WWC2: variants seen among roughly 807,000 people sequenced by gnomAD.
WWC2 encodes WW and C2 domain containing 2, also known as protein WWC2.
A neutral mutation model predicts 138.5 loss-of-function variants in WWC2; 101 were observed. The ratio of observed to expected loss-of-function variants is 0.73; its 90% CI spans 0.62 to 0.86. The LOEUF is 0.86. Ranked by LOEUF, WWC2 falls within the 40% of genes least tolerant of loss-of-function variation. WWC2 has a pLI of 0.00. For missense variants in WWC2, 1,420 were observed against 1,419.4 expected (o/e 1.00, Z -0.01); for synonymous variants, 558 against 538.4 (o/e 1.04, Z -0.50).
At chr4:183,167,535 A>G (rs1734160216) in intron 1 of WWC2, among the ~76,000 whole-genome samples, 3 of 152,124 alleles carry the variant, frequency 2.0e-5, no homozygotes, top group Admixed American at 6.5e-5. Flanking sequence ...GTCCCCTCCA[A>G]TTAACATCTT....
At chr4:183,290,344 G>A (rs746301378) in intron 21 of WWC2, among the ~76,000 whole-genome samples, 25 of 151,888 alleles carry the variant, frequency 1.6e-4, no homozygotes, top group Non-Finnish European at 3.5e-4. Context: ...CTGAAACCTC[G>A]TCTTTACTAA....
At chr4:183,188,776 C>T (rs928662516) in intron 1 of WWC2, among the ~76,000 whole-genome samples, 1 of 151,650 alleles carries the variant, frequency 6.6e-6, no homozygotes, top group Admixed American at 6.6e-5. Flanking sequence ...TCCTGAGTAG[C>T]TGGGATTATA....
At chr4:183,199,666 A>G (rs1309084182) in intron 2 of WWC2, among the ~76,000 whole-genome samples, 1 of 152,230 alleles carries the variant, frequency 6.6e-6, no homozygotes, top group Non-Finnish European at 1.5e-5. Flanking sequence ...CACAGTAGGA[A>G]GAACAGAAAT....
At chr4:183,129,354 A>C (rs1251346765) in intron 1 of WWC2, among the ~76,000 whole-genome samples, 1 of 152,214 alleles carries the variant, frequency 6.6e-6, no homozygotes, top group Non-Finnish European at 1.5e-5. Flanking sequence ...ACTGAAGGTC[A>C]TCACTATCTA....
At chr4:183,108,479 C>T (rs973953381) in intron 1 of WWC2, among the ~76,000 whole-genome samples, 2 of 152,154 alleles carry the variant, frequency 1.3e-5, no homozygotes, top group African/African-American at 4.8e-5. Flanking sequence ...CTGAGAAACC[C>T]TCACAGCCAT....
chr4:183,222,471 A>G (rs747906840), intron 4 of WWC2, among the ~76,000 whole-genome samples: 122 of 152,234 alleles, frequency 8.0e-4, no homozygotes, highest in Non-Finnish European at 1.4e-3. Flanking sequence ...ATCAAGAAAT[A>G]TAGTGGTCCT....
intron 21 of WWC2, among the ~76,000 whole-genome samples, chr4:183,290,217 A>G (rs975931223): frequency 7.9e-5 from 12 of 152,196 alleles, no homozygotes; most frequent in African/African-American, 2.9e-4. Context: ...ATCACTGATT[A>G]AAAAATAGAG....
chr4:183,188,142 G>A (rs1209074964), intron 1 of WWC2, among the ~76,000 whole-genome samples: 1 of 152,204 alleles, frequency 6.6e-6, no homozygotes, highest in African/African-American at 2.4e-5. Context: ...ACGGGGGAGT[G>A]AGGCTAGATT....
chr4:183,154,389 T>C (rs1457883360), intron 1 of WWC2, among the ~76,000 whole-genome samples: 1 of 152,170 alleles, frequency 6.6e-6, no homozygotes, highest in South Asian at 2.1e-4. Context: ...TGACCTTAAG[T>C]TGTGAAAACT....
intron 1 of WWC2, among the ~76,000 whole-genome samples, chr4:183,134,281 T>G (rs1440434361): frequency 6.6e-6 from 1 of 152,040 alleles, no homozygotes; most frequent in East Asian, 1.9e-4. Flanking sequence ...CTGTGCCTAT[T>G]ATTAATATTT....
intron 1 of WWC2, among the ~76,000 whole-genome samples, chr4:183,117,121 T>C (rs1433030799): frequency 6.6e-6 from 1 of 151,694 alleles, no homozygotes. Context: ...CTTCTGCATA[T>C]CCCCTCCCTT....
intron 1 of WWC2, among the ~76,000 whole-genome samples, chr4:183,142,533 C>T (rs573464863): frequency 2.0e-5 from 3 of 152,294 alleles, no homozygotes; most frequent in East Asian, 1.9e-4. Context: ...GTGTATAGGT[C>T]CTTCCAAAAA....
intron 1 of WWC2, among the ~76,000 whole-genome samples, chr4:183,118,381 T>A (rs1157477198): frequency 6.6e-6 from 1 of 152,228 alleles, no homozygotes; most frequent in Non-Finnish European, 1.5e-5. Flanking sequence ...CTTATCCCTG[T>A]TACAGGTTGC....
At chr4:183,264,382 A>G (rs1234596580) in intron 11 of WWC2, among the ~76,000 whole-genome samples, 4 of 152,216 alleles carry the variant, frequency 2.6e-5, no homozygotes, top group Non-Finnish European at 5.9e-5. Context: ...GTGTATGAAT[A>G]TGAGTTCGAG....
intron 4 of WWC2, among the ~76,000 whole-genome samples, chr4:183,210,786 C>T (rs1735574105): frequency 6.6e-6 from 1 of 152,180 alleles, no homozygotes; most frequent in African/African-American, 2.4e-5. Context: ...ACTGGAAGTA[C>T]ATATTGTAAG....
chr4:183,152,672 C>T (rs1397389080), intron 1 of WWC2, among the ~76,000 whole-genome samples: 2 of 152,050 alleles, frequency 1.3e-5, no homozygotes, highest in East Asian at 3.9e-4. Context: ...TCACCTGAGT[C>T]AGAAGTTCAA....
intron 1 of WWC2, among the ~76,000 whole-genome samples, chr4:183,178,737 T>C (rs1734537875): frequency 6.6e-6 from 1 of 152,156 alleles, no homozygotes; most frequent in African/African-American, 2.4e-5. Context: ...TCGGACTCAG[T>C]CTGATCTAGC....
At chr4:183,227,076 A>G (rs1490995359) in intron 4 of WWC2, among the ~76,000 whole-genome samples, 1 of 151,840 alleles carries the variant, frequency 6.6e-6, no homozygotes, top group Non-Finnish European at 1.5e-5. Flanking sequence ...AGAATACTAG[A>G]ATTAAATTCA....
In WWC2 at chr4:183,261,526, A is replaced by G. The variant is rs1166410968; in HGVS notation, c.1903A>G (p.Thr635Ala). 1 of 1,610,476 alleles carries G rather than the reference A, an allele frequency of 6.2e-7. No individual in the cohort carries two copies. The highest frequency in any genetic ancestry group is 1.3e-5 in the African/African-American group (1 of 74,900). Residue 635 changes from threonine (T) to alanine (A), a missense_variant, in exon 11 of 23, where the codon ACT becomes GCT. By Grantham distance (58) the Thr-to-Ala change is moderately conservative. Transcript: ENST00000403733. ...TGCTAGGGAGCCATTATATGAAGGA[A>G]CTGCAGGTAAATGCAGCCCTTTGCT... ...ECAREPLYEG[T>A]ADVEKSLPKR...
Sources: allele counts gnomAD v4.1 joint callset (sites outside exome capture counted in the v4.1 genomes callset), GRCh38; gene constraint gnomAD v4.1.1; transcripts MANE v1.5; gene names NCBI Gene and HGNC (gene_info 2026-07-23, HGNC 2026-07-21).